FABP7: variants seen among roughly 807,000 people sequenced by gnomAD.
The protein encoded by FABP7 is fatty acid binding protein 7.
In FABP7, 13 loss-of-function variants were observed where a neutral mutation model predicts 14.2. That is an observed-to-expected ratio of 0.91 (90% confidence interval 0.59 to 1.45). FABP7 has a LOEUF of 1.45. FABP7 is among the 40% of genes most tolerant of loss of function. The pLI is 0.00. For synonymous variants in FABP7, 49 were observed against 51.4 expected, an observed-to-expected ratio of 0.95 and a Z score of 0.20; for missense variants, 149 against 157.6, an observed-to-expected ratio of 0.95 and a Z score of 0.29.
the FABP7 span, among the ~76,000 whole-genome samples, chr6:122,765,618 C>T: frequency 6.6e-6 from 1 of 151,982 alleles, no homozygotes; most frequent in Admixed American, 6.6e-5. Context: ...CAAACAATGG[C>T]ATTCTATTCA....
At chr6:122,751,125 G>T in the FABP7 span, among the ~76,000 whole-genome samples, 36 of 152,056 alleles carry the variant, frequency 2.4e-4, no homozygotes, top group African/African-American at 8.5e-4. Flanking sequence ...AGTCTAGAAG[G>T]TATCATAAAA....
chr6:122,756,176 C>A, the FABP7 span, among the ~76,000 whole-genome samples: 1 of 152,168 alleles, frequency 6.6e-6, no homozygotes, highest in Non-Finnish European at 1.5e-5. Flanking sequence ...CCCCTGCATT[C>A]TTTTGTACCT....
rs188839950 is a variant in FABP7 at position 122,781,241 on chromosome 6, C to T, written c.348+47C>T. 66 of 1,597,542 alleles carry T rather than the reference C, an allele frequency of 4.1e-5. 1 individual carries two copies. The highest frequency in any genetic ancestry group is 1.6e-4 in the East Asian group (7 of 44,254). On this transcript the variant is annotated intron_variant, in intron 3 of 3. Coordinates refer to ENST00000368444, the MANE Select transcript of FABP7 (RefSeq NM_001446.5). ...TTCTTCCTTGTTTTTTTCTCCTCTC[C>T]GCACACCTCTCACCTCCTTCCTTCT... is the stretch of plus-strand genomic sequence containing the variant.
the FABP7 span, among the ~76,000 whole-genome samples, chr6:122,769,395 A>G: frequency 1.3e-5 from 2 of 152,184 alleles, no homozygotes; most frequent in Non-Finnish European, 1.5e-5. Flanking sequence ...AATTCATAAC[A>G]TAATTTATAA....
At chr6:122,767,621 C>T in the FABP7 span, among the ~76,000 whole-genome samples, 1 of 151,828 alleles carries the variant, frequency 6.6e-6, no homozygotes, top group African/African-American at 2.4e-5. Flanking sequence ...AACTTTAAAT[C>T]ACTTGGTGGC....
At chr6:122,768,632 A>G in the FABP7 span, among the ~76,000 whole-genome samples, 1 of 152,160 alleles carries the variant, frequency 6.6e-6, no homozygotes, top group Admixed American at 6.6e-5. Flanking sequence ...TTATTACATT[A>G]GTGAAAATAA....
the FABP7 span, among the ~76,000 whole-genome samples, chr6:122,771,611 T>C: frequency 6.6e-6 from 1 of 152,196 alleles, no homozygotes; most frequent in African/African-American, 2.4e-5. Context: ...ACTCTCCTAC[T>C]CTTGCATTAT....
the FABP7 span, among the ~76,000 whole-genome samples, chr6:122,772,682 G>C: frequency 6.6e-6 from 1 of 152,022 alleles, no homozygotes; most frequent in African/African-American, 2.4e-5. Context: ...GCCTCTCAAA[G>C]TGCTGGGATT....
chr6:122,756,194 G>GC, the FABP7 span, among the ~76,000 whole-genome samples: 1 of 151,992 alleles, frequency 6.6e-6, no homozygotes, highest in South Asian at 2.1e-4. Context: ...CCTACTTCTC[G>GC]CCCTTTGCCC....
chr6:122,780,220 A>G, intron 1 of FABP7, 71 bp from the exon 2 acceptor site: 1 of 1,502,328 alleles, frequency 6.7e-7, no homozygotes, highest in South Asian at 1.2e-5. Context: ...CCAGAATCAG[A>G]AAGCAGATTC....
At chr6:122,767,465 C>T in the FABP7 span, among the ~76,000 whole-genome samples, 1 of 152,018 alleles carries the variant, frequency 6.6e-6, no homozygotes, top group African/African-American at 2.4e-5. Flanking sequence ...CGGTAAATCA[C>T]AGAGATGGTA....
chr6:122,783,378 A>C (rs1306021798), intron 3 of FABP7: 1 of 984,740 alleles, frequency 1.0e-6, no homozygotes, highest in Admixed American at 6.1e-5. Flanking sequence ...CCTATTATAA[A>C]ACTCATTCAC....
chr6:122,775,201 T>C (rs1320969840), upstream of FABP7, among the ~76,000 whole-genome samples: 1 of 152,006 alleles, frequency 6.6e-6, no homozygotes, highest in African/African-American at 2.4e-5. Context: ...AAAGTTATCC[T>C]AAGTAAAAAG....
the FABP7 span, among the ~76,000 whole-genome samples, chr6:122,774,634 A>G: frequency 6.6e-6 from 1 of 152,086 alleles, no homozygotes; most frequent in Non-Finnish European, 1.5e-5. Context: ...TTTATTCAAC[A>G]TGGTATTGGA....
chr6:122,765,383 T>A, the FABP7 span, among the ~76,000 whole-genome samples: 1 of 152,086 alleles, frequency 6.6e-6, no homozygotes, highest in Middle Eastern at 3.2e-3. Context: ...CATAGAGAGT[T>A]TAGATAAAGA....
At chr6:122,758,645 T>C in the FABP7 span, among the ~76,000 whole-genome samples, 3 of 152,154 alleles carry the variant, frequency 2.0e-5, no homozygotes, top group Non-Finnish European at 4.4e-5. Flanking sequence ...CTGAAGATAA[T>C]CCTTACCCTA....
chr6:122,784,038 T>C lies in FABP7; in HGVS notation c.*271T>C. The C allele has an allele frequency of 6.6e-6, 2 of 301,770 alleles. No individual in the cohort carries two copies. The highest frequency in any genetic ancestry group is 6.4e-5 in the South Asian group (1 of 15,554). The allele number at this position is 301,770 out of a possible 1,614,324, so 18.7% of individuals were successfully genotyped here. A position where few individuals can be genotyped will look rare whatever the true frequency, so the allele number is the denominator to read the frequency against. On this transcript the variant is annotated 3_prime_UTR_variant, in exon 4 of 4. Coordinates refer to ENST00000368444, the MANE Select transcript of FABP7 (RefSeq NM_001446.5). ...ATACATTTTATAATTTCTTTTGGAATGTAAATCAAATTTGAATAAAAATCT... is the reference window on the plus strand; with the variant it reads ...ATACATTTTATAATTTCTTTTGGAACGTAAATCAAATTTGAATAAAAATCT...
chr6:122,757,251 G>C, the FABP7 span, among the ~76,000 whole-genome samples: 1 of 151,646 alleles, frequency 6.6e-6, no homozygotes, highest in African/African-American at 2.4e-5. Flanking sequence ...TTTTCTCTTG[G>C]TCTCCACAGT....
chr6:122,775,701 C>CA (rs371535282), upstream of FABP7, among the ~76,000 whole-genome samples: 36,890 of 109,198 alleles, frequency 0.34, 5,223 homozygotes, highest in Non-Finnish European at 0.48. Flanking sequence ...ACAACAACAA[C>CA]AACAAAAAAA....
Sources: allele counts gnomAD v4.1 joint callset (sites outside exome capture counted in the v4.1 genomes callset), GRCh38; gene constraint gnomAD v4.1.1; transcripts MANE v1.5; gene names NCBI Gene and HGNC (gene_info 2026-07-23, HGNC 2026-07-21).